The following RGS7 variants were observed in gnomAD, a reference collection of about 807,000 sequenced individuals.
RGS7 encodes regulator of G protein signaling 7, also known as regulator of G-protein signaling 7.
RGS7 carries 27 observed loss-of-function variants against 81.1 expected under a neutral mutation model. The observed-to-expected ratio is 0.33, with a 90% CI of 0.25 to 0.46. The LOEUF (loss-of-function observed/expected upper bound fraction) is 0.46. RGS7 is among the 20% of genes least tolerant of loss of function. RGS7 has a pLI of 1.00. For synonymous variants in RGS7, 208 were observed against 207.7 expected, an observed-to-expected ratio of 1.00 and a Z score of -0.01; for missense variants, 396 against 607.4, an observed-to-expected ratio of 0.65 and a Z score of 3.66.
At chr1:241,299,785 A>G (rs1227772414) in intron 2 of RGS7, among the ~76,000 whole-genome samples, 2 of 146,556 alleles carry the variant, frequency 1.4e-5, no homozygotes, top group Non-Finnish European at 3.0e-5. Flanking sequence ...TTAAAGCATC[A>G]TTTAGGTACT....
intron 2 of RGS7, among the ~76,000 whole-genome samples, chr1:241,198,610 A>C (rs927867541): frequency 6.8e-6 from 1 of 147,380 alleles, no homozygotes; most frequent in Non-Finnish European, 1.5e-5. Context: ...ACACAAGCTA[A>C]CTAAACTGAC....
chr1:241,334,353 G>A (rs2082128157), intron 2 of RGS7, among the ~76,000 whole-genome samples: 1 of 152,130 alleles, frequency 6.6e-6, no homozygotes, highest in East Asian at 1.9e-4. Context: ...TGTTGCTGGA[G>A]AGCAATGGGG....
intron 6 of RGS7, among the ~76,000 whole-genome samples, chr1:240,889,656 T>C (rs560562884): frequency 1.1e-4 from 16 of 152,298 alleles, no homozygotes; most frequent in African/African-American, 2.9e-4. Context: ...AATGATACAA[T>C]AGGAAAACAA....
chr1:241,334,825 A>T (rs908646550), intron 2 of RGS7, among the ~76,000 whole-genome samples: 1 of 146,884 alleles, frequency 6.8e-6, no homozygotes, highest in African/African-American at 2.7e-5. Context: ...TAGTTATAGA[A>T]TCCCTTCAAG....
intron 2 of RGS7, among the ~76,000 whole-genome samples, chr1:241,255,368 G>A (rs2077012204): frequency 6.6e-6 from 1 of 152,156 alleles, no homozygotes; most frequent in South Asian, 2.1e-4. Flanking sequence ...ACTCATCATT[G>A]ACAGGTGTAG....
chr1:241,094,516 T>C (rs61832551), intron 3 of RGS7, among the ~76,000 whole-genome samples: 7,743 of 152,170 alleles, frequency 0.051, 227 homozygotes, highest in Non-Finnish European at 0.06. Flanking sequence ...ATCTCAGAGT[T>C]CAAGGAAATG....
At chr1:241,103,724 A>G (rs562934267) in intron 2 of RGS7, among the ~76,000 whole-genome samples, 15 of 152,100 alleles carry the variant, frequency 9.9e-5, no homozygotes, top group Non-Finnish European at 1.8e-4. Context: ...AAATATGAAA[A>G]TGAACTGGGC....
chr1:241,143,351 G>C (rs907855465), intron 2 of RGS7, among the ~76,000 whole-genome samples: 11 of 152,152 alleles, frequency 7.2e-5, no homozygotes, highest in African/African-American at 2.7e-4. Context: ...ACATACCTGA[G>C]ACTTGCCAAT....
intron 2 of RGS7, among the ~76,000 whole-genome samples, chr1:241,229,168 C>T (rs931549306): frequency 1.3e-5 from 2 of 152,116 alleles, no homozygotes; most frequent in African/African-American, 4.8e-5. Flanking sequence ...ATATAATTCT[C>T]CTCTGCTTCC....
At chr1:240,896,755 T>C (rs1364514313) in intron 6 of RGS7, among the ~76,000 whole-genome samples, 2 of 152,228 alleles carry the variant, frequency 1.3e-5, no homozygotes, top group South Asian at 2.1e-4. Flanking sequence ...TAGGATTGTT[T>C]TGGCAATGTG....
At chr1:240,812,794 G>T (rs951394446) in intron 13 of RGS7, among the ~76,000 whole-genome samples, 1 of 152,160 alleles carries the variant, frequency 6.6e-6, no homozygotes, top group African/African-American at 2.4e-5. Context: ...TGGGGAAAAT[G>T]CATTGGTAAC....
intron 2 of RGS7, among the ~76,000 whole-genome samples, chr1:241,230,703 G>GAA (rs35634361): frequency 0.16 from 24,675 of 152,130 alleles, 2,346 homozygotes; most frequent in Middle Eastern, 0.21. Flanking sequence ...AGGACAGGAA[G>GAA]AAGGCTGGGA....
At chr1:241,343,543 C>T (rs555071685) in intron 2 of RGS7, among the ~76,000 whole-genome samples, 1 of 152,162 alleles carries the variant, frequency 6.6e-6, no homozygotes, top group East Asian at 1.9e-4. Flanking sequence ...ACCTTGAGGA[C>T]GTTATGCTAT....
chr1:241,003,647 T>C (rs1022838828), intron 3 of RGS7, among the ~76,000 whole-genome samples: 1 of 152,134 alleles, frequency 6.6e-6, no homozygotes, highest in Non-Finnish European at 1.5e-5. Context: ...ACCTAATTAC[T>C]GCAAAAAAGC....
chr1:240,817,928 C>G (rs1358245687), intron 10 of RGS7, among the ~76,000 whole-genome samples: 1 of 152,090 alleles, frequency 6.6e-6, no homozygotes, highest in East Asian at 1.9e-4. Flanking sequence ...GTGCTCTTAT[C>G]CTTTCTTTAT....
chr1:241,197,251 CT>C (rs1190138386), intron 2 of RGS7, among the ~76,000 whole-genome samples: 739 of 40,384 alleles, frequency 0.018, 120 homozygotes, highest in African/African-American at 0.053. Context: ...ATCAAAGTAT[CT>C]TTTTTTTTTT....
intron 18 of RGS7, among the ~76,000 whole-genome samples, chr1:240,783,332 C>A (rs1313747337): frequency 6.6e-6 from 1 of 152,116 alleles, no homozygotes; most frequent in Non-Finnish European, 1.5e-5. Flanking sequence ...TTAAAAACAT[C>A]ATTCTTGGCC....
At chr1:241,065,160 T>A (rs893194036) in intron 3 of RGS7, among the ~76,000 whole-genome samples, 2 of 150,970 alleles carry the variant, frequency 1.3e-5, no homozygotes, top group Non-Finnish European at 2.9e-5. Context: ...ATGGGGACAA[T>A]AGCAAAAAAT....
chr1:240,845,801 A>C (rs985669650), intron 9 of RGS7, among the ~76,000 whole-genome samples: 3 of 152,236 alleles, frequency 2.0e-5, no homozygotes, highest in African/African-American at 7.2e-5. Context: ...GGTGGCATGC[A>C]TTTAACATGT....
Sources: allele counts gnomAD v4.1 joint callset (sites outside exome capture counted in the v4.1 genomes callset), GRCh38; gene constraint gnomAD v4.1.1; transcripts MANE v1.5; gene names NCBI Gene and HGNC (gene_info 2026-07-23, HGNC 2026-07-21).